FAM81B: variants seen among roughly 807,000 people sequenced by gnomAD.
The protein encoded by FAM81B is protein FAM81B.
In FAM81B, 60 loss-of-function variants were observed where a neutral mutation model predicts 58.7. The observed-to-expected ratio is 1.02, with a 90% CI of 0.83 to 1.27. FAM81B has a LOEUF of 1.27. Ranked by LOEUF, FAM81B falls within the 50% of genes most tolerant of loss-of-function variation. The pLI is 0.00. For missense variants in FAM81B, 491 were observed against 522.0 expected, an observed-to-expected ratio of 0.94 and a Z score of 0.58; for synonymous variants, 189 against 179.6, an observed-to-expected ratio of 1.05 and a Z score of -0.42.
At chr5:95,419,964 A>G (rs1762633999) in intron 4 of FAM81B, among the ~76,000 whole-genome samples, 1 of 152,326 alleles carries the variant, frequency 6.6e-6, no homozygotes, top group Admixed American at 6.5e-5. Context: ...TTTGGTCCAT[A>G]TATGGTTTAC....
At chr5:95,396,916 T>C (rs1425348075) in intron 3 of FAM81B, 1 of 152,216 alleles carries the variant, frequency 6.6e-6, no homozygotes, top group Non-Finnish European at 1.5e-5. Flanking sequence ...TTTTTTCATT[T>C]GAAAAACAAA....
intron 1 of FAM81B, among the ~76,000 whole-genome samples, chr5:95,392,543 C>T (rs1221617656): frequency 2.6e-5 from 4 of 151,942 alleles, no homozygotes; most frequent in Non-Finnish European, 5.9e-5. Context: ...GCTGTCTGAT[C>T]CTAAAAAAGT....
At chr5:95,444,724 A>G (rs1384018619) in intron 7 of FAM81B, among the ~76,000 whole-genome samples, 1 of 152,194 alleles carries the variant, frequency 6.6e-6, no homozygotes, top group Admixed American at 6.5e-5. Flanking sequence ...AAAAATAATG[A>G]GAGAATTCAG....
chr5:95,424,120 A>T, intron 5 of FAM81B: 1 of 1,289,814 alleles, frequency 7.8e-7, no homozygotes, highest in Non-Finnish European at 1.0e-6. Context: ...AAGGAGAGAG[A>T]TTTGATACTG....
intron 3 of FAM81B, among the ~76,000 whole-genome samples, chr5:95,403,683 G>A (rs1013680439): frequency 2.0e-5 from 3 of 152,128 alleles, no homozygotes; most frequent in Admixed American, 6.5e-5. Context: ...AGATGCCTTT[G>A]GTAGTTCCAA....
intron 1 of FAM81B, 31 bp downstream of exon 1, chr5:95,391,544 T>A: frequency 6.3e-7 from 1 of 1,575,210 alleles, no homozygotes. Flanking sequence ...GTCTCTAAAT[T>A]TCTCCTACTT....
intron 3 of FAM81B, among the ~76,000 whole-genome samples, chr5:95,407,261 TACACACACACACACACACAC>T (rs5869678): frequency 7.0e-6 from 1 of 143,658 alleles, no homozygotes; most frequent in Non-Finnish European, 1.5e-5. Flanking sequence ...TGTTCTCTTT[TACACACACACACACACACAC>T]ACACACACAC....
At chr5:95,438,709 AATTC>A (rs1745197325) in intron 7 of FAM81B, among the ~76,000 whole-genome samples, 1 of 151,930 alleles carries the variant, frequency 6.6e-6, no homozygotes, top group Non-Finnish European at 1.5e-5. Flanking sequence ...TAATTCTAAT[AATTC>A]ATTTAGTTAC....
At chr5:95,402,205 C>G (rs1055131440) in intron 3 of FAM81B, among the ~76,000 whole-genome samples, 1 of 152,196 alleles carries the variant, frequency 6.6e-6, no homozygotes, top group Non-Finnish European at 1.5e-5. Context: ...CGTCAGGAAT[C>G]TCTCTTAGAA....
intron 3 of FAM81B, among the ~76,000 whole-genome samples, chr5:95,411,234 C>T (rs6872033): frequency 0.27 from 41,271 of 151,916 alleles, 5,836 homozygotes; most frequent in Non-Finnish European, 0.3. Flanking sequence ...ATTCCATTAA[C>T]GGGTTTGATA....
intron 9 of FAM81B, among the ~76,000 whole-genome samples, chr5:95,449,804 A>G (rs1002470149): frequency 6.6e-6 from 1 of 152,218 alleles, no homozygotes; most frequent in African/African-American, 2.4e-5. Context: ...TTTGGTAACA[A>G]GACTGAAAAA....
chr5:95,397,231 C>T (rs1172967216), intron 3 of FAM81B, among the ~76,000 whole-genome samples: 1 of 152,006 alleles, frequency 6.6e-6, no homozygotes, highest in Non-Finnish European at 1.5e-5. Flanking sequence ...TTCCACATAA[C>T]TTGTATTTGT....
At chr5:95,416,787 G>C (rs907924814) in intron 4 of FAM81B, among the ~76,000 whole-genome samples, 1 of 152,150 alleles carries the variant, frequency 6.6e-6, no homozygotes, top group East Asian at 1.9e-4. Flanking sequence ...TCCTAATGTC[G>C]AAATATCACT....
At chr5:95,404,957 T>A (rs1031447023) in intron 3 of FAM81B, among the ~76,000 whole-genome samples, 1 of 152,082 alleles carries the variant, frequency 6.6e-6, no homozygotes, top group African/African-American at 2.4e-5. Context: ...AAAGGAGAGA[T>A]AAGATTTTAT....
rs190506251 is a variant in FAM81B at position 95,428,650 on chromosome 5, G to A, written c.704G>A (p.Arg235Lys). The A allele has an allele frequency of 2.4e-5, 39 of 1,613,978 alleles. No homozygotes were observed. The East Asian group carries it at 7.8e-4, about 32-fold the overall frequency. Reference sequence around the variant, plus strand: ...CTTTCTGGAGACATTCACTTATTCAGGCAAGAGCACCGGCAAATTGAGAAA... The same window carrying A: ...CTTTCTGGAGACATTCACTTATTCAAGCAAGAGCACCGGCAAATTGAGAAA... ...VKLSGDIHLF[R>K]QEHRQIEKAI... The change falls in exon 6 of 10, where the codon AGG becomes AAG. Residue 235 changes from arginine (R) to lysine (K), a missense_variant. Arg to Lys is a conservative substitution (Grantham distance 26). Coordinates refer to ENST00000283357, the MANE Select transcript of FAM81B (RefSeq NM_152548.3).
intron 6 of FAM81B, 151 bp downstream of exon 6, chr5:95,428,883 T>C (rs1744740023): frequency 9.7e-7 from 1 of 1,034,580 alleles, no homozygotes; most frequent in Admixed American, 2.3e-5. Flanking sequence ...ATATACGCCA[T>C]GGAAACAGTC....
At chr5:95,401,430 T>G (rs1217662566) in intron 3 of FAM81B, among the ~76,000 whole-genome samples, 1 of 152,128 alleles carries the variant, frequency 6.6e-6, no homozygotes, top group Admixed American at 6.5e-5. Context: ...AACTCAGCAG[T>G]GGAAGTCTCT....
chr5:95,421,188 G>A (rs1433512053), intron 5 of FAM81B, among the ~76,000 whole-genome samples: 2 of 152,172 alleles, frequency 1.3e-5, no homozygotes, highest in Non-Finnish European at 2.9e-5. Context: ...TTCTATAGCT[G>A]TTTACAGTCT....
chr5:95,422,000 T>A (rs1484539631), intron 5 of FAM81B, among the ~76,000 whole-genome samples: 1 of 152,132 alleles, frequency 6.6e-6, no homozygotes, highest in Non-Finnish European at 1.5e-5. Context: ...AATGTTTGGC[T>A]TCCACCATGT....
Sources: allele counts gnomAD v4.1 joint callset (sites outside exome capture counted in the v4.1 genomes callset), GRCh38; gene constraint gnomAD v4.1.1; transcripts MANE v1.5; gene names NCBI Gene and HGNC (gene_info 2026-07-23, HGNC 2026-07-21).